The following ARFGEF2 variants were observed in gnomAD, a reference collection of about 807,000 sequenced individuals.
ARFGEF2 encodes brefeldin A-inhibited guanine nucleotide-exchange protein 2.
ARFGEF2 carries 74 observed loss-of-function variants against 219.9 expected under a neutral mutation model. The observed-to-expected ratio is 0.34, with a 90% CI of 0.28 to 0.41. ARFGEF2 has a LOEUF of 0.41. ARFGEF2 is among the 10% of genes least tolerant of loss of function. ARFGEF2 has a pLI of 1.00. For missense variants in ARFGEF2, 1,743 were observed against 2,218.3 expected (o/e 0.79, Z 4.30); for synonymous variants, 733 against 799.2 (o/e 0.92, Z 1.40).
chr20:48,979,932 C>T (rs1161216446), intron 14 of ARFGEF2, among the ~76,000 whole-genome samples: 1 of 147,974 alleles, frequency 6.8e-6, no homozygotes, highest in Admixed American at 7.1e-5. Context: ...AAAAACAGCT[C>T]CTGGATTCGT....
In ARFGEF2 at chr20:48,936,374, G is replaced by A. The variant is rs1234938559; in HGVS notation, c.122-4825G>A. ...TGACCCCCCCACCTCCCTCCCGGAC[G>A]AGGTGGCTGCCGGGTGGAGATGCTC... On this transcript the variant is annotated intron_variant, in intron 1 of 38. Coordinates refer to ENST00000371917, the MANE Select transcript of ARFGEF2 (RefSeq NM_006420.3). Among the ~76,000 whole-genome samples the A allele has an allele frequency of 5.9e-5, 9 of 151,678 alleles. No individual in the cohort carries two copies. The South Asian group carries it at 6.2e-4, about 11-fold the overall frequency.
chr20:48,936,342 G>A (rs1455369664), intron 1 of ARFGEF2, among the ~76,000 whole-genome samples: 8 of 150,212 alleles, frequency 5.3e-5, no homozygotes, highest in African/African-American at 9.8e-5. Context: ...CTGGCTGGGC[G>A]GGGGGCTGAC....
chr20:48,974,447 A>T (rs981285820), intron 12 of ARFGEF2, among the ~76,000 whole-genome samples: 10 of 152,166 alleles, frequency 6.6e-5, no homozygotes, highest in Non-Finnish European at 1.0e-4. Context: ...AGAAAAATTT[A>T]AAATTTTTTT....
chr20:48,993,781 C>T (rs888236374), intron 21 of ARFGEF2, among the ~76,000 whole-genome samples: 1 of 152,236 alleles, frequency 6.6e-6, no homozygotes, highest in Non-Finnish European at 1.5e-5. Flanking sequence ...CCAGCCTCAT[C>T]TCCCACTGCA....
chr20:49,000,253 G>A (rs2091417477), intron 25 of ARFGEF2, among the ~76,000 whole-genome samples: 1 of 152,136 alleles, frequency 6.6e-6, no homozygotes, highest in South Asian at 2.1e-4. Context: ...TCAAATTAAG[G>A]CACCTCACAG....
chr20:48,959,411 C>CTCT (rs2091125629), intron 6 of ARFGEF2, among the ~76,000 whole-genome samples: 1 of 133,688 alleles, frequency 7.5e-6, no homozygotes, highest in Non-Finnish European at 1.6e-5. Context: ...CTCCTTCCTT[C>CTCT]CCTCCCTCCC....
intron 14 of ARFGEF2, among the ~76,000 whole-genome samples, chr20:48,976,993 T>C (rs997020337): frequency 6.6e-6 from 1 of 151,400 alleles, no homozygotes; most frequent in Non-Finnish European, 1.5e-5. Context: ...GTTGTTTTCT[T>C]ATACTTTAAG....
At chr20:49,028,801 G>T in intron 37 of ARFGEF2, 133 bp downstream of exon 37, 1 of 917,758 alleles carries the variant, frequency 1.1e-6, no homozygotes. Flanking sequence ...TTTCTATTTG[G>T]TGACTCTCCC....
In ARFGEF2 at chr20:49,016,564, A is replaced by G. The variant is rs571491891; in HGVS notation, c.4315+149A>G. ...TGTATACGTTTTAATTACAGTATAA[A>G]AAACAGTGCCCCCCCCAAGTCAGTT... On this transcript the variant is annotated intron_variant, in intron 31 of 38. Coordinates refer to ENST00000371917, the MANE Select transcript of ARFGEF2 (RefSeq NM_006420.3). 1,466 of 903,832 alleles carry G rather than the reference A, an allele frequency of 1.6e-3. 1 individual carries two copies. The highest frequency in any genetic ancestry group is 1.8e-3 in the Non-Finnish European group (1,044 of 595,256). The allele number at this position is 903,832 out of a possible 1,614,324, so 56.0% of individuals were successfully genotyped here. A position where few individuals can be genotyped will look rare whatever the true frequency, so the allele number is the denominator to read the frequency against.
intron 23 of ARFGEF2, among the ~76,000 whole-genome samples, chr20:48,997,025 T>C (rs916185090): frequency 5.3e-5 from 8 of 152,122 alleles, no homozygotes; most frequent in African/African-American, 1.9e-4. Flanking sequence ...CTTTTTATTA[T>C]TTTAATATTC....
chr20:48,937,966 T>C lies in ARFGEF2; in HGVS notation c.122-3233T>C, dbSNP rs1390828348. Reference sequence around the variant, plus strand: ...GTGGTTGTAGCTTTCATGGTTAGTGTCAGTGCTAGGAAAACCACACATTTA... The same window carrying C: ...GTGGTTGTAGCTTTCATGGTTAGTGCCAGTGCTAGGAAAACCACACATTTA... On this transcript the variant is annotated intron_variant, in intron 1 of 38. Transcript: ENST00000371917. Among the ~76,000 whole-genome samples the C allele has an allele frequency of 2.6e-5, 4 of 152,326 alleles. No individual in the cohort carries two copies. The East Asian group carries it at 7.7e-4, about 29-fold the overall frequency.
rs1319305357 is a variant in ARFGEF2 at position 49,016,319 on chromosome 20, T to C, written c.4219T>C (p.Tyr1407His). The change falls in exon 31 of 39, where the codon TAT (tyrosine) becomes CAT (histidine). Residue 1407 changes from tyrosine to histidine, a missense_variant. Tyr to His is a moderately conservative substitution (Grantham distance 83). Around this residue, in one of 5 missense-constraint regions of ARFGEF2, gnomAD observed 578 missense variants for 664.0 expected, o/e 0.87. Coordinates refer to ENST00000371917, the MANE Select transcript of ARFGEF2 (RefSeq NM_006420.3). ...WMTTTCNHAL[Y>H]AICDVFTQFY... ...GACAACAACCTGCAATCACGCACTT[T>C]ATGCTATTTGTGATGTTTTTACCCA... 1.2e-6 allele frequency: 2 copies of C among 1,613,964 alleles called. No homozygotes were observed. The highest frequency in any genetic ancestry group is 1.7e-5 in the Admixed American group (1 of 60,010).
chr20:48,925,625 C>A (rs1000008128), intron 1 of ARFGEF2, among the ~76,000 whole-genome samples: 1 of 151,982 alleles, frequency 6.6e-6, no homozygotes, highest in African/African-American at 2.4e-5. Flanking sequence ...TGCATGAGCC[C>A]AGGAGTTTGA....
At chr20:48,922,861 C>T (rs769468493) in intron 1 of ARFGEF2, among the ~76,000 whole-genome samples, 19 of 152,170 alleles carry the variant, frequency 1.2e-4, no homozygotes, top group Non-Finnish European at 2.4e-4. Context: ...GGGAACAAGA[C>T]GGACATGGTC....
intron 3 of ARFGEF2, among the ~76,000 whole-genome samples, chr20:48,946,069 CT>C (rs2091024702): frequency 6.6e-6 from 1 of 152,196 alleles, no homozygotes; most frequent in African/African-American, 2.4e-5. Context: ...CTTGCCAAGC[CT>C]GTTTGACTGG....
At chr20:49,025,558 C>A in intron 36 of ARFGEF2, 77 bp downstream of exon 36, 2 of 1,534,698 alleles carry the variant, frequency 1.3e-6, no homozygotes, top group South Asian at 2.3e-5. Flanking sequence ...GGAAAATGCC[C>A]AAAATTTTAA....
intron 33 of ARFGEF2, 135 bp from the exon 34 acceptor site, chr20:49,018,749 T>C (rs1600550747): frequency 1.4e-6 from 1 of 703,716 alleles, no homozygotes; most frequent in East Asian, 2.8e-5. Flanking sequence ...ACATTAAGCA[T>C]GTAGTATCAT....
rs1307511118 is a variant in ARFGEF2, at chr20:48,953,549, C to T, written c.604-7C>T. ...AAATGCTGTATCCCCCTTTTGTTGC[C>T]TTTTAGTTGCAGGAGGCCAGAGAAC... is the stretch of plus-strand genomic sequence containing the variant. On this transcript the variant is annotated splice_region_variant and splice_polypyrimidine_tract_variant and intron_variant, in intron 5 of 38. Coordinates refer to ENST00000371917, the MANE Select transcript of ARFGEF2 (RefSeq NM_006420.3). The T allele has an allele frequency of 2.5e-6, 4 of 1,613,522 alleles. No homozygotes were observed. Among genetic ancestry groups the T allele is most frequent in the Non-Finnish European group, 3.4e-6 (4 of 1,179,536 alleles).
At position 48,941,105 on chromosome 20, in the gene ARFGEF2, ATCT is replaced by A. The variant is rs71855094; in HGVS notation, c.122-92_122-90del. The A allele has an allele frequency of 2.2e-3, 2,499 of 1,158,882 alleles. 57 individuals are homozygous for A. In the East Asian group the frequency reaches 0.055, roughly 26 times the overall value. 71.8% of individuals were successfully genotyped at this position (1,158,882 alleles called of 1,614,324 possible). A position where few individuals can be genotyped will look rare whatever the true frequency, so the allele number is the denominator to read the frequency against. ...TTTGTATTTAAACATCTCGTTAACA[ATCT>A]TTTCAGTGGTCTCCAAATATCTTTT... On this transcript the variant is annotated intron_variant, in intron 1 of 38. Coordinates refer to ENST00000371917, the MANE Select transcript of ARFGEF2 (RefSeq NM_006420.3).
Sources: gnomAD v4.1 joint callset for allele counts (sites outside exome capture counted in the v4.1 genomes callset) on GRCh38, gnomAD v4.1.1 for gene constraint, gnomAD v4.1.1 regional missense constraint, MANE v1.5 for transcripts, NCBI Gene and HGNC (gene_info 2026-07-23, HGNC 2026-07-21) for gene names.